The following SCAF4 variants were observed in gnomAD, a reference collection of about 807,000 sequenced individuals.
The protein encoded by SCAF4 is SR-related and CTD-associated factor 4.
Under a neutral mutation model 129.8 loss-of-function variants are expected in SCAF4, and 25 were observed. That is an observed-to-expected ratio of 0.19 (90% CI 0.14 to 0.27). SCAF4 has a LOEUF of 0.27. SCAF4 is among the 10% of genes least tolerant of loss of function. The pLI is 1.00. For synonymous variants in SCAF4, 551 were observed against 497.7 expected, an observed-to-expected ratio of 1.11 and a Z score of -1.43; for missense variants, 1,246 against 1,457.1, an observed-to-expected ratio of 0.86 and a Z score of 2.36.
At chr21:31,686,920 C>T (rs188896764) in intron 16 of SCAF4, among the ~76,000 whole-genome samples, 2 of 152,258 alleles carry the variant, frequency 1.3e-5, no homozygotes, top group East Asian at 1.9e-4. Context: ...TCCCTGGTGC[C>T]GGAAAGGTTG....
intron 19 of SCAF4, among the ~76,000 whole-genome samples, chr21:31,674,300 T>C (rs1601171228): frequency 6.6e-6 from 1 of 152,232 alleles, no homozygotes; most frequent in African/African-American, 2.4e-5. Flanking sequence ...ATAAACCTTA[T>C]ATAAAAGCAC....
In SCAF4 at chr21:31,671,666, T is replaced by C; in HGVS notation, c.3177A>G (p.Arg1059=). 1 of 1,614,060 alleles carries C rather than the reference T, an allele frequency of 6.2e-7. No homozygotes were observed. The highest frequency in any genetic ancestry group is 8.5e-7 in the Non-Finnish European group (1 of 1,179,936). The part of the protein sequence containing the change: ...RNRRSSGHRD[R]ERDSRDRESR... ...ACTCTCTATCTCTAGAATCTCTCTC[T>C]CTGTCTCGATGCCCACTAGAGCGTC... Residue 1059 remains arginine (R), a synonymous_variant, in exon 20 of 20, where the codon AGA becomes AGG. Coordinates refer to ENST00000286835, the MANE Select transcript of SCAF4 (RefSeq NM_020706.2).
chr21:31,673,519 G>A (rs2049768684), intron 19 of SCAF4, among the ~76,000 whole-genome samples: 1 of 134,740 alleles, frequency 7.4e-6, no homozygotes. Flanking sequence ...ATTGTGAAAT[G>A]GATGAGGTGA....
Position 31,688,539 on chromosome 21 carries a change from T to C in SCAF4, c.1886-75A>G, listed in dbSNP as rs904188718. ...ACTTTAAATCTAGAAATGAAAAATGTTGATTATAAAAACCTAGCCCAGTTA... is the reference window on the plus strand; with the variant it reads ...ACTTTAAATCTAGAAATGAAAAATGCTGATTATAAAAACCTAGCCCAGTTA... On this transcript the variant is annotated intron_variant, in intron 15 of 19. Coordinates refer to ENST00000286835, the MANE Select transcript of SCAF4 (RefSeq NM_020706.2). 4.6e-6 allele frequency: 6 copies of C among 1,293,186 alleles called. No individual in the cohort carries two copies. In the African/African-American group the frequency reaches 8.9e-5, roughly 19 times the overall value. The allele number at this position is 1,293,186 out of a possible 1,614,324, so 80.1% of individuals were successfully genotyped here. A position where few individuals can be genotyped will look rare whatever the true frequency, so the allele number is the denominator to read the frequency against.
rs1214395945 is a variant in SCAF4, at chr21:31,671,239, G to C, written c.*160C>G. The C allele has an allele frequency of 1.7e-6, 1 of 589,426 alleles. No homozygotes were observed. The highest frequency in any genetic ancestry group is 1.9e-5 in the African/African-American group (1 of 53,774). 36.5% of individuals were successfully genotyped at this position (589,426 alleles called of 1,614,324 possible). A position where few individuals can be genotyped will look rare whatever the true frequency, so the allele number is the denominator to read the frequency against. On this transcript the variant is annotated 3_prime_UTR_variant, in exon 20 of 20. Coordinates refer to ENST00000286835, the MANE Select transcript of SCAF4 (RefSeq NM_020706.2). ...TTTCAGTATTTTTTGTTATTTTGTGGCTATTTTTAAATAGAAGGGAAGCAA... is the reference window on the plus strand; with the variant it reads ...TTTCAGTATTTTTTGTTATTTTGTGCCTATTTTTAAATAGAAGGGAAGCAA...
intron 1 of SCAF4, among the ~76,000 whole-genome samples, chr21:31,710,181 C>G (rs17661267): frequency 0.034 from 5,126 of 152,078 alleles, 131 homozygotes; most frequent in Non-Finnish European, 0.048. Context: ...TGTAAGAGAT[C>G]CAGGCTAGAA....
chr21:31,694,255 A>G lies in SCAF4; in HGVS notation c.1271T>C (p.Val424Ala). 6.2e-7 allele frequency: 1 copy of G among 1,608,948 alleles called. No homozygotes were observed. The highest frequency in any genetic ancestry group is 8.5e-7 in the Non-Finnish European group (1 of 1,176,328). ...MEVEQPCIQE[V>A]KRHMSDNRKS... ...TCTGTTATCAGACATATGTCGCTTA[A>G]CCTCTTGAATACAAGGTTGTTCTAC... The change falls in exon 11 of 20, where the codon GTT (valine) becomes GCT (alanine). Residue 424 changes from valine (V) to alanine (A), a missense_variant. Coordinates refer to ENST00000286835, the MANE Select transcript of SCAF4 (RefSeq NM_020706.2).
intron 1 of SCAF4, among the ~76,000 whole-genome samples, chr21:31,712,020 A>G (rs1390737973): frequency 6.6e-6 from 1 of 152,210 alleles, no homozygotes; most frequent in Admixed American, 6.5e-5. Flanking sequence ...CAATTTCTCA[A>G]GACTAAAGGT....
chr21:31,709,364 A>AG (rs371256036), intron 1 of SCAF4, among the ~76,000 whole-genome samples: 1 of 136,806 alleles, frequency 7.3e-6, no homozygotes, highest in Non-Finnish European at 1.5e-5. Context: ...AAAAAAAAAA[A>AG]GAAAGAAAGA....
intron 15 of SCAF4, 147 bp downstream of exon 15, chr21:31,690,650 C>T (rs1601204690): frequency 1.6e-6 from 1 of 619,538 alleles, no homozygotes; most frequent in Non-Finnish European, 2.8e-6. Context: ...CTATTTAACC[C>T]TCAGTTTATA....
chr21:31,724,031 T>C (rs966724653), intron 1 of SCAF4, among the ~76,000 whole-genome samples: 6 of 152,202 alleles, frequency 3.9e-5, no homozygotes, highest in African/African-American at 1.2e-4. Flanking sequence ...TTTACTGGAA[T>C]ATAGGGTTTC....
At chr21:31,697,019 C>A (rs2050404553) in intron 7 of SCAF4, among the ~76,000 whole-genome samples, 1 of 152,084 alleles carries the variant, frequency 6.6e-6, no homozygotes, top group African/African-American at 2.4e-5. Context: ...GTGTATTTCA[C>A]AAGTAATTTA....
At chr21:31,692,551 T>G in intron 12 of SCAF4, 102 bp from the exon 13 acceptor site, 1 of 697,440 alleles carries the variant, frequency 1.4e-6, no homozygotes, top group Non-Finnish European at 2.4e-6. Flanking sequence ...TGAACTATAT[T>G]ACAACACCAC....
chr21:31,685,648 C>A lies in SCAF4; in HGVS notation c.2129G>T (p.Gly710Val). Residue 710 changes from glycine (G) to valine (V), a missense_variant, in exon 17 of 20, where the codon GGC becomes GTC. Transcript: ENST00000286835. ...FTPPLGIPPP[G>V]FGPGVPPPPP... ...GGGAGGAGGAACACCAGGACCAAAG[C>A]CTGGAGGCGGTATTCCCAGAGGAGG... 6.2e-7 allele frequency: 1 copy of A among 1,613,892 alleles called. No individual in the cohort carries two copies. The highest frequency in any genetic ancestry group is 1.1e-5 in the South Asian group (1 of 91,042).
chr21:31,715,462 G>A (rs1488270917), intron 1 of SCAF4, among the ~76,000 whole-genome samples: 2 of 151,884 alleles, frequency 1.3e-5, no homozygotes, highest in Non-Finnish European at 1.5e-5. Flanking sequence ...TTGGAGAAGG[G>A]GGCATTATTT....
Position 31,671,790 on chromosome 21 carries a change from T to C in SCAF4, c.3053A>G (p.Asn1018Ser). Residue 1018 changes from asparagine (N) to serine (S), a missense_variant, in exon 20 of 20, where the codon AAC becomes AGC. This residue lies in a region of SCAF4 where 339 missense variants were observed against 325.0 expected (regional missense o/e 1.04). Coordinates refer to ENST00000286835, the MANE Select transcript of SCAF4 (RefSeq NM_020706.2). ...ACTATTATCTCTATCATCATTACGG[T>C]TCCCATACCGTTCCCGGTCATTTTC... The part of the protein sequence containing the change: ...RVENDRERYG[N>S]RNDDRDNSNR... 6.2e-7 allele frequency: 1 copy of C among 1,614,142 alleles called. No homozygotes were observed. The highest frequency in any genetic ancestry group is 8.5e-7 in the Non-Finnish European group (1 of 1,179,960).
At chr21:31,729,703 G>A (rs2051300634) in intron 1 of SCAF4, among the ~76,000 whole-genome samples, 1 of 152,174 alleles carries the variant, frequency 6.6e-6, no homozygotes, top group South Asian at 2.1e-4. Flanking sequence ...AAGAGAGCTG[G>A]CATTCTTTGC....
chr21:31,695,468 G>A (rs916270696), intron 9 of SCAF4, among the ~76,000 whole-genome samples: 3 of 151,992 alleles, frequency 2.0e-5, no homozygotes, highest in Admixed American at 6.6e-5. Context: ...AATAATGAAA[G>A]TAAACTACAA....
intron 19 of SCAF4, chr21:31,684,180 G>C (rs1278626076): frequency 6.5e-6 from 1 of 153,308 alleles, no homozygotes; most frequent in African/African-American, 2.4e-5. Flanking sequence ...AAAGCAAACA[G>C]GCATATGCAT....
Sources: gnomAD v4.1 joint callset for allele counts (sites outside exome capture counted in the v4.1 genomes callset) on GRCh38, gnomAD v4.1.1 for gene constraint, gnomAD v4.1.1 regional missense constraint, MANE v1.5 for transcripts, NCBI Gene and HGNC (gene_info 2026-07-23, HGNC 2026-07-21) for gene names.